Variants in CMC1 observed in about 807,000 individuals in gnomAD.
The protein encoded by CMC1 is C-X9-C motif containing 1.
A neutral mutation model predicts 14.1 loss-of-function variants in CMC1; 14 were observed. The observed-to-expected ratio is 0.99, with a 90% CI of 0.66 to 1.55. The LOEUF is 1.55. CMC1 is among the 40% of genes most tolerant of loss of function. The pLI is 0.00. For missense variants in CMC1, 127 were observed against 123.8 expected (o/e 1.03, Z -0.12); for synonymous variants, 50 against 38.4 (o/e 1.30, Z -1.12).
chr3:28,300,812 G>GT lies in CMC1; in HGVS notation c.110-15514dup, dbSNP rs1157673235. 2.9e-4 allele frequency among the ~76,000 whole-genome samples: 43 copies of GT among 148,466 alleles called. No individual in the cohort carries two copies. The East Asian group carries it at 8.2e-3, about 28-fold the overall frequency. ...GAGTACCAAACCACAATACAAATGT[G>GT]TTTTTTTCAATTCTTGTCCCTGCCA... is the stretch of plus-strand genomic sequence containing the variant. On this transcript the variant is annotated intron_variant, in intron 2 of 3. Transcript: ENST00000466830.
chr3:28,252,156 G>T (rs945298767), intron 1 of CMC1, among the ~76,000 whole-genome samples: 2 of 152,180 alleles, frequency 1.3e-5, no homozygotes, highest in Admixed American at 1.3e-4. Context: ...AAAGCAGTGT[G>T]GGTGGAAGAG....
At chr3:28,245,976 C>T (rs926746824) in intron 1 of CMC1, among the ~76,000 whole-genome samples, 1 of 151,872 alleles carries the variant, frequency 6.6e-6, no homozygotes, top group African/African-American at 2.4e-5. Flanking sequence ...GATGGGGTTT[C>T]ACCATGTCGC....
chr3:28,309,198 TA>T (rs1274366411), intron 2 of CMC1, among the ~76,000 whole-genome samples: 1 of 152,090 alleles, frequency 6.6e-6, no homozygotes, highest in African/African-American at 2.4e-5. Flanking sequence ...TTTGTTAAGT[TA>T]CTACTATCAA....
chr3:28,272,324 T>G (rs1342788246), intron 2 of CMC1, among the ~76,000 whole-genome samples: 1 of 152,216 alleles, frequency 6.6e-6, no homozygotes, highest in Non-Finnish European at 1.5e-5. Flanking sequence ...GCTTCCAGCT[T>G]TTGCTCATTC....
intron 1 of CMC1, among the ~76,000 whole-genome samples, chr3:28,258,705 T>C (rs1369759290): frequency 9.0e-4 from 135 of 149,472 alleles, no homozygotes; most frequent in Admixed American, 9.0e-3. Flanking sequence ...CTGCAAGCTC[T>C]GCCTCCCGGG....
intron 1 of CMC1, among the ~76,000 whole-genome samples, chr3:28,253,546 G>A (rs571441639): frequency 1.2e-4 from 18 of 151,960 alleles, no homozygotes; most frequent in African/African-American, 2.9e-4. Context: ...ACGCCATTGC[G>A]CCCTATCCTG....
chr3:28,276,681 G>A (rs1222895206), intron 2 of CMC1, among the ~76,000 whole-genome samples: 1 of 151,998 alleles, frequency 6.6e-6, no homozygotes, highest in Non-Finnish European at 1.5e-5. Context: ...ATTTTTTCCT[G>A]GTAATCAGAG....
At chr3:28,305,156 G>T (rs1577082955) in intron 2 of CMC1, among the ~76,000 whole-genome samples, 2 of 151,960 alleles carry the variant, frequency 1.3e-5, no homozygotes, top group African/African-American at 2.4e-5. Flanking sequence ...CCATTGTTTA[G>T]CTCCTACTTG....
intron 2 of CMC1, among the ~76,000 whole-genome samples, chr3:28,295,549 A>G (rs974144122): frequency 4.6e-5 from 7 of 152,004 alleles, no homozygotes; most frequent in African/African-American, 9.7e-5. Context: ...CCTTCCTCCT[A>G]TAACTTCCTA....
rs1323710723 is a variant in CMC1 at position 28,320,485 on chromosome 3, T to A, written c.*856T>A. 6.6e-6 allele frequency: 1 copy of A among 151,496 alleles called. No individual in the cohort carries two copies. Among genetic ancestry groups the A allele is most frequent in the Admixed American group, 6.6e-5 (1 of 15,142 alleles). 9.4% of individuals were successfully genotyped at this position (151,496 alleles called of 1,614,324 possible). Reference sequence around the variant, plus strand: ...AAATCCATTCACGAGGGCTCCAGCCTCATCACCCTATTACCTCTTAAAGGC... The same window carrying A: ...AAATCCATTCACGAGGGCTCCAGCCACATCACCCTATTACCTCTTAAAGGC... On this transcript the variant is annotated 3_prime_UTR_variant, in exon 4 of 4. Coordinates refer to ENST00000466830, the MANE Select transcript of CMC1 (RefSeq NM_182523.2).
At chr3:28,254,081 G>A (rs967246809) in intron 1 of CMC1, among the ~76,000 whole-genome samples, 4 of 152,190 alleles carry the variant, frequency 2.6e-5, no homozygotes, top group African/African-American at 9.7e-5. Flanking sequence ...ATGATAGAAT[G>A]TTGAGAAGTT....
At chr3:28,302,444 T>TG (rs1404568617) in intron 2 of CMC1, among the ~76,000 whole-genome samples, 1 of 152,158 alleles carries the variant, frequency 6.6e-6, no homozygotes, top group Non-Finnish European at 1.5e-5. Context: ...AAAGTGTGTT[T>TG]GGGGAGACTT....
intron 2 of CMC1, among the ~76,000 whole-genome samples, chr3:28,302,282 A>C (rs1181117009): frequency 6.6e-6 from 1 of 152,180 alleles, no homozygotes; most frequent in African/African-American, 2.4e-5. Context: ...AGCATCTACT[A>C]GTGGCAAGAA....
intron 2 of CMC1, among the ~76,000 whole-genome samples, chr3:28,277,256 G>A (rs4680906): frequency 0.12 from 18,403 of 152,138 alleles, 1,753 homozygotes; most frequent in East Asian, 0.48. Context: ...TACATTGGTT[G>A]TCTCCATTGT....
At position 28,303,103 on chromosome 3, in the gene CMC1, G is replaced by A. The variant is rs144579298; in HGVS notation, c.110-13230G>A. On this transcript the variant is annotated intron_variant, in intron 2 of 3. Transcript: ENST00000466830. Reference sequence around the variant, plus strand: ...AGATAAAAATAGTGCTTACTTGATCGTGTTTTTGTACAATTCAAGTGAGCT... The same window carrying A: ...AGATAAAAATAGTGCTTACTTGATCATGTTTTTGTACAATTCAAGTGAGCT... Among the ~76,000 whole-genome samples, 589 of 152,210 alleles carry A rather than the reference G, an allele frequency of 3.9e-3. 4 individuals carry two copies. Among genetic ancestry groups the A allele is most frequent in the African/African-American group, 0.013 (545 of 41,546 alleles).
intron 1 of CMC1, among the ~76,000 whole-genome samples, chr3:28,253,075 A>T (rs1652422423): frequency 6.6e-6 from 1 of 152,168 alleles, no homozygotes; most frequent in South Asian, 2.1e-4. Flanking sequence ...CTCTGTCGTT[A>T]TAGCAAGAAG....
intron 2 of CMC1, among the ~76,000 whole-genome samples, chr3:28,287,239 A>G (rs926335986): frequency 4.6e-5 from 7 of 152,108 alleles, no homozygotes; most frequent in Admixed American, 3.9e-4. Flanking sequence ...GATCATCATG[A>G]AACTTTTCCT....
chr3:28,295,204 C>G (rs561860154), intron 2 of CMC1, among the ~76,000 whole-genome samples: 2 of 152,154 alleles, frequency 1.3e-5, no homozygotes, highest in South Asian at 4.1e-4. Flanking sequence ...TGAAATTAAG[C>G]CCTGTCTGAT....
At chr3:28,316,130 GT>G in intron 2 of CMC1, 1 of 370,502 alleles carries the variant, frequency 2.7e-6, no homozygotes, top group East Asian at 4.0e-5. Flanking sequence ...TGGTGTACAT[GT>G]CTTTTGTTGA....
Sources: allele counts gnomAD v4.1 joint callset (sites outside exome capture counted in the v4.1 genomes callset), GRCh38; gene constraint gnomAD v4.1.1; transcripts MANE v1.5; gene names NCBI Gene and HGNC (gene_info 2026-07-23, HGNC 2026-07-21).